Variants in GRIK2 observed in about 807,000 individuals in gnomAD.
The protein encoded by GRIK2 is glutamate ionotropic receptor kainate type subunit 2.
Under a neutral mutation model 100.3 loss-of-function variants are expected in GRIK2, and 32 were observed. The observed-to-expected ratio is 0.32, with a 90% CI of 0.24 to 0.43. GRIK2 has a LOEUF of 0.43. GRIK2 is among the 20% of genes least tolerant of loss of function. The pLI is 1.00. For synonymous variants in GRIK2, 417 were observed against 389.4 expected (o/e 1.07, Z -0.83); for missense variants, 843 against 1,114.9 (o/e 0.76, Z 3.47).
intron 7 of GRIK2, among the ~76,000 whole-genome samples, chr6:101,793,552 G>C (rs142812102): frequency 0.013 from 1,914 of 152,242 alleles, 34 homozygotes; most frequent in African/African-American, 0.043. Flanking sequence ...GCTGCTGTCT[G>C]ATCGTTCCTC....
intron 2 of GRIK2, among the ~76,000 whole-genome samples, chr6:101,482,660 G>GA (rs1772595165): frequency 6.6e-6 from 1 of 151,896 alleles, no homozygotes; most frequent in African/African-American, 2.4e-5. Context: ...GAGGCACAGA[G>GA]AAAAAAAGAC....
intron 15 of GRIK2, among the ~76,000 whole-genome samples, chr6:102,049,810 A>C (rs1771078116): frequency 1.3e-5 from 2 of 152,172 alleles, no homozygotes; most frequent in African/African-American, 4.8e-5. Context: ...CTTGATTTGA[A>C]AGTAAAGAAA....
intron 2 of GRIK2, among the ~76,000 whole-genome samples, chr6:101,483,353 G>T (rs1158090182): frequency 6.6e-6 from 1 of 152,252 alleles, no homozygotes; most frequent in East Asian, 1.9e-4. Context: ...TAAGCAATAA[G>T]TTTGGATTAT....
chr6:101,874,273 A>G (rs1034412307), intron 11 of GRIK2, among the ~76,000 whole-genome samples: 4 of 152,082 alleles, frequency 2.6e-5, no homozygotes, highest in Non-Finnish European at 1.5e-5. Flanking sequence ...TAATTTTTGT[A>G]TAAGGTGTAA....
chr6:101,687,762 G>T (rs991252001), intron 7 of GRIK2, among the ~76,000 whole-genome samples: 44 of 151,772 alleles, frequency 2.9e-4, no homozygotes, highest in African/African-American at 1.0e-3. Flanking sequence ...TAGGGAAATT[G>T]TACTTCGTTG....
At chr6:101,435,881 G>T (rs1769687729) in intron 2 of GRIK2, among the ~76,000 whole-genome samples, 2 of 151,978 alleles carry the variant, frequency 1.3e-5, no homozygotes, top group African/African-American at 2.4e-5. Flanking sequence ...CCTGGATCTA[G>T]CTTGTCTTTA....
intron 4 of GRIK2, among the ~76,000 whole-genome samples, chr6:101,630,667 T>C (rs1477359000): frequency 6.6e-6 from 1 of 152,008 alleles, no homozygotes; most frequent in Admixed American, 6.6e-5. Context: ...GTTTTAATGA[T>C]AGAATTCAGC....
intron 14 of GRIK2, among the ~76,000 whole-genome samples, chr6:101,982,130 C>A (rs1201160309): frequency 6.6e-6 from 1 of 151,886 alleles, no homozygotes; most frequent in African/African-American, 2.4e-5. Flanking sequence ...CTAGGGAAAT[C>A]CACTTATATC....
At chr6:101,679,406 T>C (rs1771080012) in intron 5 of GRIK2, among the ~76,000 whole-genome samples, 1 of 152,288 alleles carries the variant, frequency 6.6e-6, no homozygotes, top group African/African-American at 2.4e-5. Flanking sequence ...TTTCTAATAA[T>C]ATTTTGACTT....
chr6:101,894,094 TTAA>T (rs1469621568), intron 12 of GRIK2, among the ~76,000 whole-genome samples: 5 of 151,670 alleles, frequency 3.3e-5, no homozygotes, highest in East Asian at 1.9e-4. Flanking sequence ...TACTATCATA[TTAA>T]TAATATTAAT....
At chr6:101,915,631 A>G (rs192593170) in intron 12 of GRIK2, among the ~76,000 whole-genome samples, 100 of 151,560 alleles carry the variant, frequency 6.6e-4, no homozygotes, top group Admixed American at 3.0e-3. Flanking sequence ...GGATATTTTT[A>G]CAGAAGATTC....
intron 4 of GRIK2, among the ~76,000 whole-genome samples, chr6:101,656,117 A>G (rs888099330): frequency 2.6e-5 from 4 of 152,084 alleles, no homozygotes; most frequent in African/African-American, 9.7e-5. Context: ...AGCTTGGCCA[A>G]AATGGGGAGA....
chr6:101,771,689 C>A (rs553639919), intron 7 of GRIK2, among the ~76,000 whole-genome samples: 1 of 118,918 alleles, frequency 8.4e-6, no homozygotes, highest in Non-Finnish European at 1.7e-5. Context: ...CCCCTCCCCC[C>A]ACCCCACAAC....
At chr6:101,587,141 G>GA (rs1469605030) in intron 2 of GRIK2, among the ~76,000 whole-genome samples, 2 of 151,672 alleles carry the variant, frequency 1.3e-5, no homozygotes, top group African/African-American at 4.8e-5. Flanking sequence ...GAATATGAAA[G>GA]AAAAAATGAA....
intron 2 of GRIK2, among the ~76,000 whole-genome samples, chr6:101,603,853 A>G (rs1230247792): frequency 2.6e-5 from 4 of 151,768 alleles, no homozygotes; most frequent in Admixed American, 6.6e-5. Context: ...TCTGGCCAGC[A>G]ATCTTGTTCA....
At chr6:101,577,173 C>A (rs56810927) in intron 2 of GRIK2, among the ~76,000 whole-genome samples, 12,614 of 147,952 alleles carry the variant, frequency 0.085, 1,398 homozygotes, top group African/African-American at 0.27. Flanking sequence ...AAAAAAAAAA[C>A]AACAACATCA....
chr6:101,519,554 G>A (rs1023644318), intron 2 of GRIK2, among the ~76,000 whole-genome samples: 36 of 152,062 alleles, frequency 2.4e-4, no homozygotes, highest in African/African-American at 7.2e-4. Context: ...ATTTAGCTAC[G>A]TTGTTTTATT....
chr6:101,794,031 C>A (rs978725944), intron 7 of GRIK2, among the ~76,000 whole-genome samples: 1 of 152,208 alleles, frequency 6.6e-6, no homozygotes, highest in Admixed American at 6.5e-5. Context: ...AGGATATAAT[C>A]TCCTGGTGCG....
intron 7 of GRIK2, among the ~76,000 whole-genome samples, chr6:101,718,644 T>C (rs1367846498): frequency 6.6e-6 from 1 of 151,920 alleles, no homozygotes; most frequent in African/African-American, 2.4e-5. Flanking sequence ...CTTCGAGAGA[T>C]CATGCTGCCA....
Sources: gnomAD v4.1 joint callset for allele counts (sites outside exome capture counted in the v4.1 genomes callset) on GRCh38, gnomAD v4.1.1 for gene constraint, MANE v1.5 for transcripts, NCBI Gene and HGNC (gene_info 2026-07-23, HGNC 2026-07-21) for gene names.